The following NR3C2 variants were observed in gnomAD, a reference collection of about 807,000 sequenced individuals.
NR3C2 encodes nuclear receptor subfamily 3 group C member 2.
In NR3C2, 15 loss-of-function variants were observed where a neutral mutation model predicts 86.4. The ratio of observed to expected loss-of-function variants is 0.17; its 90% confidence interval spans 0.12 to 0.27. NR3C2 has a LOEUF of 0.27. Among genes scored for constraint, NR3C2 ranks in the 10% least tolerant of loss-of-function variants. The probability of loss-of-function intolerance (pLI) is 1.00; values close to 1 mark genes in which losing one functional copy is unlikely to be tolerated. For missense variants in NR3C2, 960 were observed against 1,195.6 expected, an observed-to-expected ratio of 0.80 and a Z score of 2.91; for synonymous variants, 458 against 450.5, an observed-to-expected ratio of 1.02 and a Z score of -0.21.
At chr4:148,148,327 C>T (rs995970276) in intron 6 of NR3C2, among the ~76,000 whole-genome samples, 20 of 152,208 alleles carry the variant, frequency 1.3e-4, no homozygotes, top group Non-Finnish European at 1.5e-5. Context: ...TACACTATCA[C>T]CTGGATTCCC....
intron 2 of NR3C2, among the ~76,000 whole-genome samples, chr4:148,284,768 G>T (rs954264602): frequency 6.6e-6 from 1 of 152,116 alleles, no homozygotes; most frequent in Non-Finnish European, 1.5e-5. Context: ...CTACGCCACT[G>T]TCCAAATTTT....
intron 3 of NR3C2, among the ~76,000 whole-genome samples, chr4:148,195,287 A>T (rs544237836): frequency 6.6e-6 from 1 of 152,366 alleles, no homozygotes; most frequent in South Asian, 2.1e-4. Context: ...TTTCACTTTC[A>T]AATTATACAA....
intron 3 of NR3C2, among the ~76,000 whole-genome samples, chr4:148,207,032 C>T (rs1490702643): frequency 6.6e-6 from 1 of 152,110 alleles, no homozygotes; most frequent in Non-Finnish European, 1.5e-5. Context: ...AGCACTCCTC[C>T]CACATAAGCT....
intron 2 of NR3C2, among the ~76,000 whole-genome samples, chr4:148,399,894 G>C (rs931386632): frequency 1.3e-5 from 2 of 152,200 alleles, no homozygotes; most frequent in Admixed American, 1.3e-4. Flanking sequence ...TCACTGTGTG[G>C]CTATTGGAAT....
intron 1 of NR3C2, among the ~76,000 whole-genome samples, 192 bp downstream of exon 1, chr4:148,441,968 T>C (rs1466163992): frequency 1.3e-5 from 2 of 152,210 alleles, no homozygotes; most frequent in African/African-American, 2.4e-5. Context: ...GTGGCCAAAC[T>C]TTCCCAAAAT....
chr4:148,194,146 A>G (rs1308726595), intron 4 of NR3C2, among the ~76,000 whole-genome samples: 1 of 152,180 alleles, frequency 6.6e-6, no homozygotes, highest in African/African-American at 2.4e-5. Context: ...GGAACTTAGA[A>G]TAATCAATTG....
At chr4:148,231,007 G>A (rs889529416) in intron 3 of NR3C2, among the ~76,000 whole-genome samples, 2 of 152,218 alleles carry the variant, frequency 1.3e-5, no homozygotes, top group African/African-American at 4.8e-5. Flanking sequence ...TGGCCTAACA[G>A]AGAAGACTGC....
chr4:148,316,907 T>C (rs1192949024), intron 2 of NR3C2, among the ~76,000 whole-genome samples: 3 of 152,054 alleles, frequency 2.0e-5, no homozygotes, highest in Admixed American at 6.6e-5. Flanking sequence ...GCTCAACTGA[T>C]CCTCCTGCCT....
chr4:148,272,937 G>A (rs1368014565), intron 2 of NR3C2, among the ~76,000 whole-genome samples: 1 of 152,112 alleles, frequency 6.6e-6, no homozygotes, highest in Non-Finnish European at 1.5e-5. Context: ...AGTTGAAGTA[G>A]GCTGTTTCTT....
chr4:148,192,129 C>T (rs899861247), intron 4 of NR3C2, among the ~76,000 whole-genome samples: 8 of 152,144 alleles, frequency 5.3e-5, no homozygotes, highest in East Asian at 1.9e-4. Context: ...GTCAGAGGGA[C>T]GGTCTAGGGC....
intron 3 of NR3C2, among the ~76,000 whole-genome samples, chr4:148,196,756 A>G (rs1736459459): frequency 6.6e-6 from 1 of 152,246 alleles, no homozygotes; most frequent in South Asian, 2.1e-4. Flanking sequence ...AAGTGAAGAA[A>G]TGAAACCCTG....
chr4:148,220,900 ACAC>A (rs1737804997), intron 3 of NR3C2, among the ~76,000 whole-genome samples: 1 of 152,206 alleles, frequency 6.6e-6, no homozygotes. Context: ...GAGGTGCAAC[ACAC>A]AAGGTTTTTA....
At chr4:148,316,417 T>C (rs1329556919) in intron 2 of NR3C2, among the ~76,000 whole-genome samples, 2 of 152,172 alleles carry the variant, frequency 1.3e-5, no homozygotes, top group Non-Finnish European at 2.9e-5. Flanking sequence ...ATTATTTACT[T>C]TCCGAGAAGC....
chr4:148,324,331 C>CTGTGTG lies in NR3C2; in HGVS notation c.1758-64220_1758-64215dup, dbSNP rs374839889. Reference sequence around the variant, plus strand: ...TTTTTTAAGACTGAATAATATTCCTCTGTGTGTGTGTGTGTGTGTGTGTGT... The same window carrying CTGTGTG: ...TTTTTTAAGACTGAATAATATTCCTCTGTGTGTGTGTGTGTGTGTGTGTGTGTGTGT... On this transcript the variant is annotated intron_variant, in intron 2 of 8. Coordinates refer to ENST00000358102, the MANE Select transcript of NR3C2 (RefSeq NM_000901.5). Among the ~76,000 whole-genome samples the CTGTGTG allele has an allele frequency of 7.8e-4, 111 of 141,880 alleles. No homozygotes were observed. The South Asian group carries it at 0.012, about 15-fold the overall frequency. The allele number at this position is 141,880 out of a possible 152,430, so 93.1% of individuals were successfully genotyped here.
At chr4:148,445,254 G>A (rs1750522369), upstream of NR3C2, among the ~76,000 whole-genome samples, 1 of 151,926 alleles carries the variant, frequency 6.6e-6, no homozygotes, top group Non-Finnish European at 1.5e-5. Context: ...GAGGGCTGGG[G>A]ACCTCGCGCG....
At chr4:148,188,258 T>C (rs181151697) in intron 4 of NR3C2, among the ~76,000 whole-genome samples, 4 of 152,294 alleles carry the variant, frequency 2.6e-5, no homozygotes, top group East Asian at 1.9e-4. Context: ...CGAAGAATGA[T>C]GGTGGTATTC....
intron 2 of NR3C2, among the ~76,000 whole-genome samples, chr4:148,371,968 T>A (rs910228139): frequency 3.3e-5 from 5 of 152,148 alleles, no homozygotes; most frequent in African/African-American, 1.2e-4. Context: ...GAAATATCTG[T>A]TACTATCATA....
chr4:148,219,313 T>C (rs1351753169), intron 3 of NR3C2, among the ~76,000 whole-genome samples: 34 of 152,098 alleles, frequency 2.2e-4, no homozygotes, highest in Admixed American at 2.2e-3. Context: ...TCTAAAAGAG[T>C]TGTCATCTTA....
At chr4:148,274,610 T>C (rs1212072138) in intron 2 of NR3C2, among the ~76,000 whole-genome samples, 1 of 152,154 alleles carries the variant, frequency 6.6e-6, no homozygotes, top group Non-Finnish European at 1.5e-5. Flanking sequence ...GCCATGATTG[T>C]AAGTTTCCTG....
Sources: allele counts gnomAD v4.1 joint callset (sites outside exome capture counted in the v4.1 genomes callset), GRCh38; gene constraint gnomAD v4.1.1; transcripts MANE v1.5; gene names NCBI Gene and HGNC (gene_info 2026-07-23, HGNC 2026-07-21).